Variants in EFNA5 observed in about 807,000 individuals in gnomAD.
EFNA5 encodes the protein ephrin A5, also known as ephrin-A5.
Under a neutral mutation model 22.9 loss-of-function variants are expected in EFNA5, and 5 were observed. The ratio of observed to expected loss-of-function variants is 0.22; its 90% CI spans 0.11 to 0.46. The LOEUF (loss-of-function observed/expected upper bound fraction) is 0.46, where lower values mean the gene tolerates loss of function less well. EFNA5 is among the 20% of genes least tolerant of loss of function. The pLI is 0.99. For missense variants in EFNA5, 237 were observed against 293.3 expected (o/e 0.81, Z 1.40); for synonymous variants, 113 against 112.2 (o/e 1.01, Z -0.04).
chr5:107,411,371 T>C (rs1489175315), intron 2 of EFNA5, among the ~76,000 whole-genome samples: 1 of 152,226 alleles, frequency 6.6e-6, no homozygotes, highest in South Asian at 2.1e-4. Context: ...TTTCCTTATC[T>C]CATGCAGTCT....
chr5:107,494,269 GGCT>G (rs1746902047), intron 1 of EFNA5, among the ~76,000 whole-genome samples: 1 of 151,118 alleles, frequency 6.6e-6, no homozygotes, highest in African/African-American at 2.5e-5. Flanking sequence ...AGCTGCGGGC[GGCT>G]GCGGGCGGCG....
chr5:107,458,529 A>G (rs1268434988), intron 1 of EFNA5, among the ~76,000 whole-genome samples: 1 of 151,996 alleles, frequency 6.6e-6, no homozygotes, highest in African/African-American at 2.4e-5. Context: ...CAAAAGGTAC[A>G]AAGGTGAGAA....
intron 1 of EFNA5, among the ~76,000 whole-genome samples, chr5:107,492,653 G>T (rs1580491279): frequency 6.6e-6 from 1 of 152,224 alleles, no homozygotes; most frequent in South Asian, 2.1e-4. Flanking sequence ...GACGCCACCA[G>T]AACCTTAACA....
chr5:107,596,470 A>T (rs1749476172), intron 1 of EFNA5, among the ~76,000 whole-genome samples: 1 of 152,190 alleles, frequency 6.6e-6, no homozygotes, highest in African/African-American at 2.4e-5. Context: ...ATAATATTCC[A>T]TGGTATATAA....
At chr5:107,432,229 G>C (rs1223292644) in intron 1 of EFNA5, among the ~76,000 whole-genome samples, 1 of 152,158 alleles carries the variant, frequency 6.6e-6, no homozygotes, top group Non-Finnish European at 1.5e-5. Flanking sequence ...AGAATAACAT[G>C]TTGTTAGGCT....
chr5:107,458,804 T>C (rs1749761056), intron 1 of EFNA5, among the ~76,000 whole-genome samples: 1 of 152,168 alleles, frequency 6.6e-6, no homozygotes, highest in Admixed American at 6.5e-5. Flanking sequence ...TATTTTCTTA[T>C]TGTGTGCAAG....
At chr5:107,435,315 C>CTTTTTT (rs3999107) in intron 1 of EFNA5, among the ~76,000 whole-genome samples, 4,082 of 103,616 alleles carry the variant, frequency 0.039, 93 homozygotes, top group Non-Finnish European at 0.048. Flanking sequence ...TGAAGATGCT[C>CTTTTTT]TTTTTTTTTT....
At chr5:107,399,477 T>G (rs889044584) in intron 2 of EFNA5, among the ~76,000 whole-genome samples, 16 of 151,898 alleles carry the variant, frequency 1.1e-4, no homozygotes, top group African/African-American at 3.9e-4. Context: ...TATGTAGAAT[T>G]TAATCAAATG....
chr5:107,629,225 A>G lies in EFNA5; in HGVS notation c.125+41264T>C, dbSNP rs1025927988. ...CAATTTAAAGTTAGTTATTTAAAAT[A>G]TTAATAAATGATTACTAAATGATTC... On this transcript the variant is annotated intron_variant, in intron 1 of 4. Coordinates refer to ENST00000333274, the MANE Select transcript of EFNA5 (RefSeq NM_001962.3). Among the ~76,000 whole-genome samples, 6 of 152,216 alleles carry G rather than the reference A, an allele frequency of 3.9e-5. 1 individual carries two copies. Among genetic ancestry groups the G allele is most frequent in the Admixed American group, 3.9e-4 (6 of 15,282 alleles).
intron 1 of EFNA5, among the ~76,000 whole-genome samples, chr5:107,536,610 T>C (rs163762): frequency 0.054 from 8,219 of 152,288 alleles, 743 homozygotes; most frequent in African/African-American, 0.19. Flanking sequence ...TAAAGATTGA[T>C]GAATTCTATG....
At chr5:107,635,149 G>A (rs541679436) in intron 1 of EFNA5, among the ~76,000 whole-genome samples, 7 of 152,284 alleles carry the variant, frequency 4.6e-5, no homozygotes, top group South Asian at 4.1e-4. Flanking sequence ...AAATTAAAGC[G>A]GAGCAAAGCT....
chr5:107,610,709 T>A (rs1749807578), intron 1 of EFNA5, among the ~76,000 whole-genome samples: 1 of 152,182 alleles, frequency 6.6e-6, no homozygotes, highest in African/African-American at 2.4e-5. Flanking sequence ...CTGATATAAA[T>A]TCCATGAATA....
At chr5:107,383,737 TC>T (rs1366305205) in intron 4 of EFNA5, among the ~76,000 whole-genome samples, 1 of 152,154 alleles carries the variant, frequency 6.6e-6, no homozygotes, top group Non-Finnish European at 1.5e-5. Flanking sequence ...ACCACCCTAG[TC>T]CCTTCTAGGT....
chr5:107,401,272 T>C (rs531167840), intron 2 of EFNA5, among the ~76,000 whole-genome samples: 2 of 152,326 alleles, frequency 1.3e-5, no homozygotes, highest in East Asian at 1.9e-4. Flanking sequence ...ATTGTATTAC[T>C]TGGCATTTTG....
At chr5:107,617,231 C>CAGAGAGAGAGAG (rs1185894080) in intron 1 of EFNA5, among the ~76,000 whole-genome samples, 1 of 148,348 alleles carries the variant, frequency 6.7e-6, no homozygotes, top group African/African-American at 2.5e-5. Flanking sequence ...CACACACACA[C>CAGAGAGAGAGAG]ACACACAGAG....
chr5:107,525,370 A>G (rs1280804940), intron 1 of EFNA5, among the ~76,000 whole-genome samples: 1 of 152,116 alleles, frequency 6.6e-6, no homozygotes, highest in African/African-American at 2.4e-5. Context: ...CCTAATTCAT[A>G]TGTTAATGTA....
At chr5:107,385,068 C>T (rs1747575104) in intron 4 of EFNA5, among the ~76,000 whole-genome samples, 1 of 152,036 alleles carries the variant, frequency 6.6e-6, no homozygotes, top group Non-Finnish European at 1.5e-5. Flanking sequence ...CTACGCTCTA[C>T]TCCCCAGCAC....
At chr5:107,558,859 T>C (rs537661133) in intron 1 of EFNA5, among the ~76,000 whole-genome samples, 79 of 152,342 alleles carry the variant, frequency 5.2e-4, no homozygotes, top group Middle Eastern at 6.8e-3. Context: ...GGGAAATATT[T>C]ATGGAGCAGA....
At chr5:107,528,141 T>C (rs1561422907) in intron 1 of EFNA5, among the ~76,000 whole-genome samples, 1 of 152,182 alleles carries the variant, frequency 6.6e-6, no homozygotes, top group Non-Finnish European at 1.5e-5. Context: ...CTCTGTCATC[T>C]GCAAAATGGG....
Sources: gnomAD v4.1 joint callset for allele counts (sites outside exome capture counted in the v4.1 genomes callset) on GRCh38, gnomAD v4.1.1 for gene constraint, MANE v1.5 for transcripts, NCBI Gene and HGNC (gene_info 2026-07-23, HGNC 2026-07-21) for gene names.